The following SCN2A variants were observed in gnomAD, a reference collection of about 807,000 sequenced individuals.
SCN2A encodes sodium voltage-gated channel alpha subunit 2.
SCN2A carries 20 observed loss-of-function variants against 188.7 expected under a neutral mutation model. The observed-to-expected ratio is 0.11, with a 90% CI of 0.07 to 0.15. The LOEUF (loss-of-function observed/expected upper bound fraction) is 0.15. Ranked by LOEUF, SCN2A falls within the 10% of genes least tolerant of loss-of-function variation. SCN2A has a pLI of 1.00. For synonymous variants in SCN2A, 804 were observed against 833.1 expected (o/e 0.97, Z 0.60); for missense variants, 1,278 against 2,445.0 (o/e 0.52, Z 10.07).
At chr2:165,307,728 A>G in intron 3 of SCN2A, 120 bp from the exon 4 acceptor site, 2 of 770,454 alleles carry the variant, frequency 2.6e-6, no homozygotes. Context: ...CAATAATAGA[A>G]TAATAAGCAA....
chr2:165,300,235 T>C (rs1696730660), intron 3 of SCN2A, among the ~76,000 whole-genome samples: 1 of 152,232 alleles, frequency 6.6e-6, no homozygotes, highest in Non-Finnish European at 1.5e-5. Flanking sequence ...TCTAATTTAT[T>C]TTGCATTTGT....
chr2:165,326,703 A>T (rs1698376797), intron 12 of SCN2A, 149 bp from the exon 13 acceptor site: 1 of 1,011,176 alleles, frequency 9.9e-7, no homozygotes, highest in African/African-American at 1.6e-5. Flanking sequence ...CAACCCCCAA[A>T]GAATTATCAT....
chr2:165,330,352 T>C (rs761204876), intron 13 of SCN2A, among the ~76,000 whole-genome samples: 2 of 152,192 alleles, frequency 1.3e-5, no homozygotes, highest in Non-Finnish European at 2.9e-5. Flanking sequence ...GAAGAGATTA[T>C]CTTGCCAAAG....
At chr2:165,266,499 T>G (rs1449354007) in intron 1 of SCN2A, 1 of 152,106 alleles carries the variant, frequency 6.6e-6, no homozygotes, top group Non-Finnish European at 1.5e-5. Flanking sequence ...TTCCTGTGTA[T>G]CAAGTTTCCC....
chr2:165,331,446 G>A lies in SCN2A; in HGVS notation c.2266G>A (p.Val756Ile). The A allele has an allele frequency of 6.2e-7, 1 of 1,613,846 alleles. No homozygotes were observed. The highest frequency in any genetic ancestry group is 2.2e-5 in the East Asian group (1 of 44,874). The stretch of plus-strand genomic sequence containing the variant: ...GGTGAAACACCTTGTCAACCTGGTT[G>A]TAATGGACCCATTTGTTGACCTGGC... ...LKVKHLVNLV[V>I]MDPFVDLAIT... Residue 756 changes from valine to isoleucine, a missense_variant, in exon 14 of 27, where the codon GTA (valine) becomes ATA (isoleucine). Around this residue, in one of 17 missense-constraint regions of SCN2A, gnomAD observed 315 missense variants for 386.6 expected, o/e 0.81. Transcript: ENST00000375437.
intron 17 of SCN2A, among the ~76,000 whole-genome samples, chr2:165,361,554 T>A (rs990262864): frequency 6.6e-6 from 1 of 152,056 alleles, no homozygotes; most frequent in African/African-American, 2.4e-5. Flanking sequence ...CTTCTCTAAA[T>A]AAATACTGGA....
intron 1 of SCN2A, among the ~76,000 whole-genome samples, chr2:165,245,919 C>T (rs1381826593): frequency 2.0e-5 from 3 of 152,172 alleles, no homozygotes; most frequent in African/African-American, 7.2e-5. Context: ...TAAGCTGCTC[C>T]AATTACTGGC....
chr2:165,382,092 A>G (rs1701633635), intron 25 of SCN2A, among the ~76,000 whole-genome samples: 2 of 152,180 alleles, frequency 1.3e-5, no homozygotes, highest in Middle Eastern at 3.4e-3. Context: ...AAATAATACA[A>G]TTTGAATGAA....
intron 1 of SCN2A, among the ~76,000 whole-genome samples, chr2:165,291,376 C>G (rs376877788): frequency 7.3e-6 from 1 of 136,750 alleles, no homozygotes. Flanking sequence ...TCCTTCCTTC[C>G]TTCCTTCCTT....
chr2:165,380,491 T>A, intron 23 of SCN2A, 101 bp from the exon 24 acceptor site: 1 of 868,130 alleles, frequency 1.2e-6, no homozygotes, highest in South Asian at 1.5e-5. Context: ...TTTATTTTCA[T>A]TCCAGAGATT....
Position 165,373,230 on chromosome 2 carries a change from A to C in SCN2A, c.3855A>C (p.Ser1285=), listed in dbSNP as rs746426337. The C allele has an allele frequency of 1.2e-6, 2 of 1,613,048 alleles. No individual in the cohort carries two copies. The highest frequency in any genetic ancestry group is 2.7e-5 in the African/African-American group (2 of 74,884). The change falls in exon 21 of 27, where the codon TCA becomes TCC. Residue 1285 remains serine (S), a synonymous_variant. Transcript: ENST00000375437. Reference sequence around the variant, plus strand: ...GTGTTGCTTTTTCTGTATAGGTCTCACTGGTTAGCTTAACTGCAAATGCCT... The same window carrying C: ...GTGTTGCTTTTTCTGTATAGGTCTCCCTGGTTAGCTTAACTGCAAATGCCT... ...CWLDFLIVDV[S]LVSLTANALG...
intron 3 of SCN2A, among the ~76,000 whole-genome samples, chr2:165,307,041 G>A (rs1258428282): frequency 6.6e-6 from 1 of 152,112 alleles, no homozygotes; most frequent in African/African-American, 2.4e-5. Flanking sequence ...GTCAAGGAAA[G>A]TGAAGGGCAT....
At chr2:165,282,275 G>A (rs937171388) in intron 1 of SCN2A, among the ~76,000 whole-genome samples, 3 of 152,142 alleles carry the variant, frequency 2.0e-5, no homozygotes, top group Non-Finnish European at 2.9e-5. Flanking sequence ...CCACCAGTTT[G>A]GGTGGCAGGC....
chr2:165,248,163 TCTC>T (rs1253967652), intron 1 of SCN2A, among the ~76,000 whole-genome samples: 1 of 152,072 alleles, frequency 6.6e-6, no homozygotes, highest in Non-Finnish European at 1.5e-5. Flanking sequence ...TTCTTCTACT[TCTC>T]CTTACAATCT....
In SCN2A at chr2:165,389,865, C is replaced by T. The variant is rs763546524; in HGVS notation, c.*41C>T. On this transcript the variant is annotated 3_prime_UTR_variant, in exon 27 of 27. Transcript: ENST00000375437. This position sits in a 1 kb window ranked among gnomAD's most constrained non-coding sequence, Gnocchi z 4.2. ...TTTCCATTTTGTGATCAATTGTTTACAGCCCGTGATGGTGATGTGTTTGTG... is the reference window on the plus strand; with the variant it reads ...TTTCCATTTTGTGATCAATTGTTTATAGCCCGTGATGGTGATGTGTTTGTG... 5 of 1,553,908 alleles carry T rather than the reference C, an allele frequency of 3.2e-6. No individual in the cohort carries two copies. The African/African-American group carries it at 6.8e-5, about 21-fold the overall frequency.
rs1282884197 is a variant in SCN2A at position 165,296,077 on chromosome 2, A to T, written c.254A>T (p.Tyr85Phe). 1 of 1,613,290 alleles carries T rather than the reference A, an allele frequency of 6.2e-7. No individual in the cohort carries two copies. The highest frequency in any genetic ancestry group is 8.5e-7 in the Non-Finnish European group (1 of 1,179,974). ...CCCCTGGAGGATCTGGACCCCTACT[A>T]TATCAATAAGAAAGTGAGTTCTTAG... Reference protein sequence around the residue: ...SVPLEDLDPYYINKKTFIVLN... With the variant: ...SVPLEDLDPYFINKKTFIVLN... The change falls in exon 2 of 27, where the codon TAT (tyrosine) becomes TTT (phenylalanine). Residue 85 changes from tyrosine to phenylalanine, a missense_variant. Transcript: ENST00000375437.
chr2:165,309,895 T>C lies in SCN2A; in HGVS notation c.698-428T>C, dbSNP rs79050816. On this transcript the variant is annotated intron_variant, in intron 6 of 26. Transcript: ENST00000375437. The stretch of plus-strand genomic sequence containing the variant: ...TTAACCCATACTCAAGCTTGCAGAA[T>C]TCACAAATATATAACCTCATAATTC... Among the ~76,000 whole-genome samples, 880 of 152,256 alleles carry C rather than the reference T, an allele frequency of 5.8e-3. 20 individuals are homozygous for C. In the East Asian group the frequency reaches 0.089, roughly 15 times the overall value.
intron 1 of SCN2A, among the ~76,000 whole-genome samples, chr2:165,284,028 T>C (rs917596909): frequency 6.6e-6 from 1 of 152,056 alleles, no homozygotes; most frequent in Non-Finnish European, 1.5e-5. Flanking sequence ...TATGCTCTCC[T>C]TCACTCCTCT....
intron 1 of SCN2A, 128 bp from the exon 2 acceptor site, chr2:165,295,645 A>T: frequency 1.2e-6 from 1 of 846,816 alleles, no homozygotes; most frequent in South Asian, 1.7e-5. Flanking sequence ...TACCAAATAC[A>T]GCTTTCTTTG....
Sources: allele counts gnomAD v4.1 joint callset (sites outside exome capture counted in the v4.1 genomes callset), GRCh38; gene constraint gnomAD v4.1.1; regional missense constraint gnomAD v4.1.1; non-coding constraint Gnocchi (gnomAD v3.1); transcripts MANE v1.5; gene names NCBI Gene and HGNC (gene_info 2026-07-23, HGNC 2026-07-21).